The following KATNIP variants were observed in gnomAD, a reference collection of about 807,000 sequenced individuals.
The protein encoded by KATNIP is katanin interacting protein.
Under a neutral mutation model 174.0 loss-of-function variants are expected in KATNIP, and 126 were observed. That is an observed-to-expected ratio of 0.72 (90% CI 0.63 to 0.84). The LOEUF (loss-of-function observed/expected upper bound fraction) is 0.84, where lower values mean the gene tolerates loss of function less well. KATNIP is among the 40% of genes least tolerant of loss of function. The pLI is 0.00. For missense variants in KATNIP, 1,958 were observed against 2,109.7 expected (o/e 0.93, Z 1.41); for synonymous variants, 810 against 835.7 (o/e 0.97, Z 0.53).
intron 18 of KATNIP, chr16:27,755,308 C>T (rs979572348): frequency 3.3e-5 from 5 of 152,360 alleles, no homozygotes; most frequent in Non-Finnish European, 7.3e-5. Context: ...GCCACACCTT[C>T]CACCTAGGAT....
intron 11 of KATNIP, among the ~76,000 whole-genome samples, chr16:27,702,012 C>A (rs188477262): frequency 6.6e-6 from 1 of 152,224 alleles, no homozygotes; most frequent in East Asian, 1.9e-4. Context: ...GGTTGGTCTC[C>A]AGCTCCTGGG....
chr16:27,586,840 A>T (rs1312937560), intron 2 of KATNIP, among the ~76,000 whole-genome samples: 1 of 151,558 alleles, frequency 6.6e-6, no homozygotes, highest in African/African-American at 2.4e-5. Context: ...AAAAAAAAAA[A>T]ACAAAAAAAC....
intron 5 of KATNIP, among the ~76,000 whole-genome samples, chr16:27,648,203 G>A (rs1330242471): frequency 6.6e-6 from 1 of 151,388 alleles, no homozygotes; most frequent in African/African-American, 2.4e-5. Flanking sequence ...TGAGGCAGGA[G>A]AATTACTTGA....
chr16:27,741,623 C>T lies in KATNIP; in HGVS notation c.2623+703C>T, dbSNP rs550901485. Among the ~76,000 whole-genome samples the T allele has an allele frequency of 7.9e-5, 12 of 151,486 alleles. No individual in the cohort carries two copies. In the East Asian group the frequency reaches 2.2e-3, roughly 27 times the overall value. ...AAGCATTTAGGAGTGCAAGGCCAGG[C>T]CGGGCGCAATGGCTCACACCTGTAA... On this transcript the variant is annotated intron_variant, in intron 15 of 27. Transcript: ENST00000261588.
chr16:27,678,530 A>G (rs1329419374), intron 7 of KATNIP, among the ~76,000 whole-genome samples: 1 of 152,026 alleles, frequency 6.6e-6, no homozygotes, highest in Non-Finnish European at 1.5e-5. Context: ...TTAGTAGACT[A>G]TCCAACATAC....
chr16:27,659,178 T>C, intron 6 of KATNIP, among the ~76,000 whole-genome samples: 1 of 152,298 alleles, frequency 6.6e-6, no homozygotes. Context: ...TTTCAAAATA[T>C]TTACATACAG....
At chr16:27,550,330 T>C (rs1289303738) in intron 1 of KATNIP, among the ~76,000 whole-genome samples, 153 bp downstream of exon 1, 1 of 152,070 alleles carries the variant, frequency 6.6e-6, no homozygotes, top group Non-Finnish European at 1.5e-5. Context: ...GGCTTAGTGG[T>C]CTGGAACGCG....
intron 1 of KATNIP, among the ~76,000 whole-genome samples, chr16:27,565,942 A>C (rs909675423): frequency 6.6e-6 from 1 of 152,136 alleles, no homozygotes; most frequent in Non-Finnish European, 1.5e-5. Flanking sequence ...TTTAAAAATT[A>C]GAAGACTGGA....
intron 2 of KATNIP, among the ~76,000 whole-genome samples, chr16:27,612,965 A>C (rs1366847411): frequency 6.6e-6 from 1 of 151,970 alleles, no homozygotes; most frequent in Non-Finnish European, 1.5e-5. Context: ...ATAAATAAAA[A>C]GAATCTGGGG....
In KATNIP at chr16:27,777,568, G is replaced by A. The variant is rs369969314; in HGVS notation, c.4552-42G>A. ...CGTTCTGCCCAAGGTCAACGTGGGA[G>A]GGACGAGGGGGACCCATGAGTCCTG... On this transcript the variant is annotated intron_variant, in intron 25 of 27. Coordinates refer to ENST00000261588, the MANE Select transcript of KATNIP (RefSeq NM_015202.5). This position sits in a 1 kb window ranked among gnomAD's most constrained non-coding sequence, Gnocchi z 4.4. The A allele has an allele frequency of 1.0e-5, 16 of 1,554,848 alleles. No individual in the cohort carries two copies. The African/African-American group carries it at 2.2e-4, about 21-fold the overall frequency.
intron 14 of KATNIP, chr16:27,722,284 A>G (rs1333444405): frequency 2.0e-5 from 3 of 152,182 alleles, no homozygotes; most frequent in Non-Finnish European, 4.4e-5. Flanking sequence ...TTTATTTTTT[A>G]AAAGACTAGT....
chr16:27,713,812 A>G (rs1452334714), intron 13 of KATNIP, among the ~76,000 whole-genome samples: 453 of 10,124 alleles, frequency 0.045, 23 homozygotes, highest in African/African-American at 0.17. Flanking sequence ...GTATATACAT[A>G]TATATATATA....
intron 1 of KATNIP, among the ~76,000 whole-genome samples, chr16:27,553,684 A>G (rs570400913): frequency 2.0e-5 from 3 of 152,204 alleles, no homozygotes; most frequent in Admixed American, 6.5e-5. Context: ...AAATAAATAA[A>G]TAATAGTCAG....
intron 6 of KATNIP, among the ~76,000 whole-genome samples, chr16:27,676,334 C>G (rs1165733458): frequency 6.6e-6 from 1 of 152,286 alleles, no homozygotes; most frequent in South Asian, 2.1e-4. Flanking sequence ...ATGTTCATTT[C>G]CTGAGTCCTC....
chr16:27,753,313 G>C (rs576615104), intron 17 of KATNIP, among the ~76,000 whole-genome samples: 1 of 152,294 alleles, frequency 6.6e-6, no homozygotes, highest in Non-Finnish European at 1.5e-5. Context: ...CACAAGCCGT[G>C]CCTGTGCTCC....
Position 27,776,809 on chromosome 16 carries a change from C to A in KATNIP, c.4450-119C>A. 1 of 698,440 alleles carries A rather than the reference C, an allele frequency of 1.4e-6. No homozygotes were observed. Among genetic ancestry groups the A allele is most frequent in the Non-Finnish European group, 2.6e-6 (1 of 391,802 alleles). 43.3% of individuals were successfully genotyped at this position (698,440 alleles called of 1,614,324 possible). A position where few individuals can be genotyped will look rare whatever the true frequency, so the allele number is the denominator to read the frequency against. On this transcript the variant is annotated intron_variant, in intron 24 of 27. Coordinates refer to ENST00000261588, the MANE Select transcript of KATNIP (RefSeq NM_015202.5). This position sits in a 1 kb window ranked among gnomAD's most constrained non-coding sequence, Gnocchi z 4.7. ...GGGGGCGGAACTCCAGGCTGGCCCA[C>A]GTGGCAGGCGCTGCCTTGGGCACCA...
At chr16:27,643,590 CAAA>C (rs562253355) in intron 5 of KATNIP, among the ~76,000 whole-genome samples, 2 of 40,484 alleles carry the variant, frequency 4.9e-5, no homozygotes, top group South Asian at 1.8e-3. Flanking sequence ...GACTCTGTCT[CAAA>C]AAAAAAAAAA....
intron 1 of KATNIP, among the ~76,000 whole-genome samples, chr16:27,564,641 T>A (rs920127927): frequency 2.0e-5 from 3 of 151,968 alleles, no homozygotes; most frequent in Non-Finnish European, 4.4e-5. Context: ...GACAGGGGTA[T>A]CATATCAGGC....
chr16:27,683,704 G>A (rs978891535), intron 8 of KATNIP, among the ~76,000 whole-genome samples: 2 of 152,140 alleles, frequency 1.3e-5, no homozygotes, highest in African/African-American at 4.8e-5. Context: ...GAGAGGAGAA[G>A]GAGGTATGGG....
Sources: gnomAD v4.1 joint callset for allele counts (sites outside exome capture counted in the v4.1 genomes callset) on GRCh38, gnomAD v4.1.1 for gene constraint, Gnocchi (gnomAD v3.1) non-coding constraint, MANE v1.5 for transcripts, NCBI Gene and HGNC (gene_info 2026-07-23, HGNC 2026-07-21) for gene names.